MED13: variants seen among roughly 807,000 people sequenced by gnomAD.
MED13 encodes mediator complex subunit 13.
In MED13, 23 loss-of-function variants were observed where a neutral mutation model predicts 225.2. The ratio of observed to expected loss-of-function variants is 0.10; its 90% CI spans 0.07 to 0.14. The LOEUF (loss-of-function observed/expected upper bound fraction) is 0.14. MED13 is among the 10% of genes least tolerant of loss of function. MED13 has a pLI of 1.00. For synonymous variants in MED13, 942 were observed against 889.2 expected (o/e 1.06, Z -1.06); for missense variants, 2,197 against 2,594.5 (o/e 0.85, Z 3.33).
At chr17:62,026,448 C>T (rs1168561086) in intron 8 of MED13, among the ~76,000 whole-genome samples, 1 of 148,036 alleles carries the variant, frequency 6.8e-6, no homozygotes, top group Non-Finnish European at 1.5e-5. Flanking sequence ...TAAGAAATTA[C>T]TCCACAAAAT....
intron 16 of MED13, among the ~76,000 whole-genome samples, chr17:61,980,600 T>C (rs1006474721): frequency 6.6e-6 from 1 of 152,182 alleles, no homozygotes; most frequent in Non-Finnish European, 1.5e-5. Context: ...ATTTCCCAAA[T>C]AACCTAAAAC....
intron 23 of MED13, among the ~76,000 whole-genome samples, chr17:61,958,166 C>CAGTA (rs2079965749): frequency 6.6e-6 from 1 of 151,014 alleles, no homozygotes. Flanking sequence ...GCCCAGCTGG[C>CAGTA]TATTACTTAT....
intron 11 of MED13, 94 bp downstream of exon 11, chr17:61,992,446 T>C (rs1368375962): frequency 5.6e-6 from 4 of 719,364 alleles, no homozygotes; most frequent in East Asian, 2.7e-5. Context: ...TAATGAATTA[T>C]ACAAAAAGGA....
intron 2 of MED13, among the ~76,000 whole-genome samples, chr17:62,057,851 T>C (rs999499997): frequency 2.0e-4 from 31 of 152,240 alleles, no homozygotes; most frequent in African/African-American, 7.2e-4. Flanking sequence ...GGTATCAGTT[T>C]TCTCAAAGAG....
chr17:61,952,929 C>T, intron 27 of MED13, 36 bp downstream of exon 27: 1 of 1,599,536 alleles, frequency 6.3e-7, no homozygotes, highest in Non-Finnish European at 8.5e-7. Context: ...GCCACTGCGC[C>T]CGGCCGAGAA....
intron 8 of MED13, among the ~76,000 whole-genome samples, chr17:62,026,501 T>C (rs1318405973): frequency 7.0e-6 from 1 of 142,816 alleles, no homozygotes; most frequent in African/African-American, 2.6e-5. Context: ...AAAAAGACTG[T>C]AGCTGGAAGC....
Position 61,968,230 on chromosome 17 carries a change from T to G in MED13, c.3996A>C (p.Pro1332=), listed in dbSNP as rs746343657. Residue 1332 remains proline (P), a synonymous_variant, in exon 18 of 30, where the codon CCA becomes CCC. Coordinates refer to ENST00000397786, the MANE Select transcript of MED13 (RefSeq NM_005121.3). ...YGTDESPEPL[P]IPTFLLGYDY... The stretch of plus-strand genomic sequence containing the variant: ...CATAACCCAACAAAAATGTGGGGAT[T>G]GGCAGTGGTTCTGGGGATTCATCAG... The G allele has an allele frequency of 8.7e-6, 14 of 1,613,946 alleles. No homozygotes were observed. In the Admixed American group the frequency reaches 1.0e-4, roughly 12 times the overall value.
At chr17:62,017,483 A>T (rs1420555406) in intron 8 of MED13, among the ~76,000 whole-genome samples, 1 of 152,206 alleles carries the variant, frequency 6.6e-6, no homozygotes, top group South Asian at 2.1e-4. Context: ...TTGTCTACTA[A>T]ATTCAAAGTA....
chr17:61,998,971 C>A (rs2080370213), intron 9 of MED13, among the ~76,000 whole-genome samples: 1 of 131,430 alleles, frequency 7.6e-6, no homozygotes, highest in Non-Finnish European at 1.6e-5. Context: ...TATTCAGAAT[C>A]AATCCCTAAA....
intron 3 of MED13, among the ~76,000 whole-genome samples, chr17:62,050,832 C>T (rs954322869): frequency 2.6e-5 from 4 of 152,054 alleles, no homozygotes; most frequent in African/African-American, 7.2e-5. Context: ...GGCAAAACCC[C>T]GTTTCTACTA....
At chr17:61,981,720 G>A (rs760889244) in intron 16 of MED13, among the ~76,000 whole-genome samples, 1 of 152,102 alleles carries the variant, frequency 6.6e-6, no homozygotes, top group Non-Finnish European at 1.5e-5. Flanking sequence ...GTCTTGTTCT[G>A]TTTTACTCTG....
At chr17:62,025,770 G>A (rs2080695440) in intron 8 of MED13, among the ~76,000 whole-genome samples, 1 of 152,192 alleles carries the variant, frequency 6.6e-6, no homozygotes, top group African/African-American at 2.4e-5. Flanking sequence ...TACAAATTAT[G>A]TTCAGATTAG....
rs180995813 is a variant in MED13, at chr17:61,943,522, C to A, written c.*2946G>T. The A allele has an allele frequency of 7.3e-4, 111 of 152,546 alleles. No individual in the cohort carries two copies. The highest frequency in any genetic ancestry group is 1.3e-4 in the Non-Finnish European group (9 of 67,974). 9.4% of individuals were successfully genotyped at this position (152,546 alleles called of 1,614,324 possible). A position where few individuals can be genotyped will look rare whatever the true frequency, so the allele number is the denominator to read the frequency against. ...TCTGTGCCATACTGACAATTGAGTA[C>A]GAATACAGCTGAGGATAGTTGACTA... On this transcript the variant is annotated 3_prime_UTR_variant, in exon 30 of 30. Transcript: ENST00000397786.
intron 4 of MED13, among the ~76,000 whole-genome samples, chr17:62,034,260 G>A (rs2080782887): frequency 6.6e-6 from 1 of 152,076 alleles, no homozygotes; most frequent in South Asian, 2.1e-4. Context: ...TGAGGCGGGT[G>A]GATCACCTGA....
chr17:62,037,997 T>C (rs887275393), intron 3 of MED13, among the ~76,000 whole-genome samples: 1 of 140,806 alleles, frequency 7.1e-6, no homozygotes. Context: ...ACACAGCGGC[T>C]AGGAGACCTG....
Position 61,987,096 on chromosome 17 carries a change from G to C in MED13, c.2296C>G (p.Pro766Ala). ...GAGTCATAAATCAAACTTGTTGATG[G>C]AGGACGGGCATGACTAGTAGGGCGT... is the stretch of plus-strand genomic sequence containing the variant. ...APRPTSHARP[P>A]STSLIYDSDL... The change falls in exon 12 of 30, where the codon CCA (proline) becomes GCA (alanine). Residue 766 changes from proline (P) to alanine (A), a missense_variant. By Grantham distance (27) the Pro-to-Ala change is conservative (BLOSUM62 -1). Transcript: ENST00000397786. 1.2e-6 allele frequency: 2 copies of C among 1,609,188 alleles called. No individual in the cohort carries two copies. The highest frequency in any genetic ancestry group is 1.7e-6 in the Non-Finnish European group (2 of 1,177,238).
At chr17:61,981,177 C>A (rs2080201379) in intron 16 of MED13, among the ~76,000 whole-genome samples, 1 of 152,036 alleles carries the variant, frequency 6.6e-6, no homozygotes. Flanking sequence ...CGCCCACCAC[C>A]AAGCCCAGCT....
chr17:62,028,544 A>C (rs1337893145), intron 8 of MED13, among the ~76,000 whole-genome samples: 2 of 152,050 alleles, frequency 1.3e-5, no homozygotes, highest in African/African-American at 4.8e-5. Flanking sequence ...TGAACCAAAA[A>C]TAAAAGCTTA....
chr17:61,963,202 C>CAAAAAAAAAAAAAAAAA (rs11290002), intron 20 of MED13, among the ~76,000 whole-genome samples: 20 of 55,772 alleles, frequency 3.6e-4, no homozygotes, highest in East Asian at 6.5e-4. Context: ...TTAAATTTAC[C>CAAAAAAAAAAAAAAAAA]AAAAAAAAAA....
Sources: gnomAD v4.1 joint callset for allele counts (sites outside exome capture counted in the v4.1 genomes callset) on GRCh38, gnomAD v4.1.1 for gene constraint, MANE v1.5 for transcripts, NCBI Gene and HGNC (gene_info 2026-07-23, HGNC 2026-07-21) for gene names.